PRIM2: variants seen among roughly 807,000 people sequenced by gnomAD.
PRIM2 encodes DNA primase large subunit.
PRIM2 carries 39 observed loss-of-function variants against 67.3 expected under a neutral mutation model. The observed-to-expected ratio is 0.58, with a 90% CI of 0.45 to 0.76. The LOEUF is 0.76. Ranked by LOEUF, PRIM2 falls within the 30% of genes least tolerant of loss-of-function variation. PRIM2 has a pLI of 0.00. For missense variants in PRIM2, 398 were observed against 598.7 expected (o/e 0.66, Z 3.50); for synonymous variants, 143 against 198.7 (o/e 0.72, Z 2.36).
chr6:57,374,000 T>G (rs574178581), intron 5 of PRIM2, among the ~76,000 whole-genome samples: 1 of 152,318 alleles, frequency 6.6e-6, no homozygotes, highest in South Asian at 2.1e-4. Flanking sequence ...AGTGGTAGTT[T>G]GATGGGATTA....
chr6:57,409,336 G>A (rs75116149), intron 7 of PRIM2, among the ~76,000 whole-genome samples: 8 of 151,858 alleles, frequency 5.3e-5, no homozygotes, highest in African/African-American at 1.2e-4. Context: ...CCACCGCACC[G>A]GCTAATTTTT....
At chr6:57,373,470 T>C (rs893523083) in intron 5 of PRIM2, among the ~76,000 whole-genome samples, 6 of 152,206 alleles carry the variant, frequency 3.9e-5, no homozygotes. Context: ...GGATCCCATG[T>C]GTCAATTTTT....
At chr6:57,490,578 C>T (rs1773866294) in intron 7 of PRIM2, among the ~76,000 whole-genome samples, 2 of 151,876 alleles carry the variant, frequency 1.3e-5, no homozygotes. Context: ...CAATAAAGGA[C>T]AATAGTAGCA....
Position 57,334,091 on chromosome 6 carries a change from T to C in PRIM2, c.459+8046T>C, listed in dbSNP as rs1053314236. Among the ~76,000 whole-genome samples the C allele has an allele frequency of 3.9e-5, 6 of 152,310 alleles. No homozygotes were observed. The East Asian group carries it at 1.2e-3, about 29-fold the overall frequency. On this transcript the variant is annotated intron_variant, in intron 5 of 13. Transcript: ENST00000615550. The stretch of plus-strand genomic sequence containing the variant: ...CCCTAACCACCCCAGCTACTGGTAA[T>C]CACTATTTTACCCTCTATTTCTATG...
At position 57,506,243 on chromosome 6, in the gene PRIM2, ACT is replaced by A. The variant is rs1465267118; in HGVS notation, c.694-1141_694-1140del. On this transcript the variant is annotated intron_variant, in intron 7 of 13. Transcript: ENST00000615550. ...TAAATTAGTAACTGTCGACGTGTTG[ACT>A]CTTGTACAAAATTGGGAAAGCTTCT... Among the ~76,000 whole-genome samples the A allele has an allele frequency of 4.3e-3, 652 of 151,914 alleles. 4 individuals carry two copies. Among genetic ancestry groups the A allele is most frequent in the African/African-American group, 0.015 (616 of 41,444 alleles).
At chr6:57,496,048 C>T (rs1449554709) in intron 7 of PRIM2, among the ~76,000 whole-genome samples, 1 of 152,208 alleles carries the variant, frequency 6.6e-6, no homozygotes, top group Non-Finnish European at 1.5e-5. Context: ...GCCCAGCCCA[C>T]TCTGAATTGT....
intron 13 of PRIM2, among the ~76,000 whole-genome samples, chr6:57,642,435 C>CTTTTTTGTTTT (rs1777256648): frequency 1.2e-5 from 1 of 83,184 alleles, no homozygotes; most frequent in Non-Finnish European, 2.1e-5. Flanking sequence ...AATATTATAT[C>CTTTTTTGTTTT]TTTTTTTTTT....
intron 10 of PRIM2, among the ~76,000 whole-genome samples, chr6:57,548,116 C>A (rs1446041219): frequency 1.3e-5 from 2 of 152,148 alleles, no homozygotes; most frequent in African/African-American, 4.8e-5. Context: ...TTTTCTAGTG[C>A]TTATCACAGA....
intron 8 of PRIM2, among the ~76,000 whole-genome samples, chr6:57,509,999 A>G (rs1347724410): frequency 2.6e-5 from 4 of 151,754 alleles, no homozygotes; most frequent in Non-Finnish European, 5.9e-5. Flanking sequence ...CATCTCAAAC[A>G]TTACCTCTTC....
intron 12 of PRIM2, among the ~76,000 whole-genome samples, chr6:57,623,454 C>G (rs1430353060): frequency 2.6e-5 from 4 of 152,020 alleles, no homozygotes; most frequent in African/African-American, 9.7e-5. Context: ...TGGAAAACAT[C>G]CTTTCTTAAA....
At chr6:57,439,415 T>TTG in intron 7 of PRIM2, among the ~76,000 whole-genome samples, 2 of 120,568 alleles carry the variant, frequency 1.7e-5, no homozygotes, top group Non-Finnish European at 3.3e-5. Context: ...TTTTTTTTTT[T>TTG]TTTTTTTTTT....
chr6:57,289,727 A>G, the PRIM2 span, among the ~76,000 whole-genome samples: 3 of 152,212 alleles, frequency 2.0e-5, no homozygotes, highest in African/African-American at 4.8e-5. Flanking sequence ...TGAAGGAGAA[A>G]TAAAATCCTT....
chr6:57,240,203 G>A, the PRIM2 span, among the ~76,000 whole-genome samples: 3 of 148,592 alleles, frequency 2.0e-5, no homozygotes, highest in Non-Finnish European at 3.0e-5. Flanking sequence ...CCGGGTTCAA[G>A]CGATTCTCCT....
chr6:57,347,145 C>CCCA (rs1768704825), intron 5 of PRIM2, among the ~76,000 whole-genome samples: 2 of 152,134 alleles, frequency 1.3e-5, no homozygotes, highest in African/African-American at 4.8e-5. Context: ...CAGGAGAATC[C>CCCA]TTCTGTTATC....
At chr6:57,239,724 C>T in the PRIM2 span, among the ~76,000 whole-genome samples, 5 of 152,098 alleles carry the variant, frequency 3.3e-5, no homozygotes, top group African/African-American at 7.2e-5. Flanking sequence ...CCAGCCTGAG[C>T]GACAGAGCAA....
the PRIM2 span, among the ~76,000 whole-genome samples, chr6:57,239,254 G>C: frequency 6.6e-6 from 1 of 152,166 alleles, no homozygotes; most frequent in African/African-American, 2.4e-5. Flanking sequence ...GCCTCCCAAA[G>C]TGCTAGGATT....
At chr6:57,488,243 GA>G (rs1306318380) in intron 7 of PRIM2, among the ~76,000 whole-genome samples, 2 of 152,096 alleles carry the variant, frequency 1.3e-5, no homozygotes, top group African/African-American at 4.8e-5. Context: ...ATTTTATATT[GA>G]AAGAGATTGG....
intron 12 of PRIM2, among the ~76,000 whole-genome samples, chr6:57,626,718 C>T (rs1470417347): frequency 3.3e-5 from 5 of 151,518 alleles, no homozygotes; most frequent in African/African-American, 7.3e-5. Flanking sequence ...TCGACCTCCC[C>T]GACTCAAGCG....
intron 7 of PRIM2, among the ~76,000 whole-genome samples, chr6:57,399,246 T>A (rs999598462): frequency 6.6e-6 from 1 of 152,106 alleles, no homozygotes; most frequent in Non-Finnish European, 1.5e-5. Context: ...TGTGTCCAAG[T>A]GTTCTCACTG....
Sources: gnomAD v4.1 joint callset for allele counts (sites outside exome capture counted in the v4.1 genomes callset) on GRCh38, gnomAD v4.1.1 for gene constraint, MANE v1.5 for transcripts, NCBI Gene and HGNC (gene_info 2026-07-23, HGNC 2026-07-21) for gene names.